Variants in NUP214 observed in about 807,000 individuals in gnomAD.
The protein encoded by NUP214 is nucleoporin 214.
In NUP214, 79 loss-of-function variants were observed where a neutral mutation model predicts 196.2. The observed-to-expected ratio is 0.40, with a 90% CI of 0.34 to 0.49. The LOEUF (loss-of-function observed/expected upper bound fraction) is 0.49. NUP214 is among the 20% of genes least tolerant of loss of function. The probability of loss-of-function intolerance (pLI) is 0.58; values close to 1 mark genes in which losing one functional copy is unlikely to be tolerated. For missense variants in NUP214, 2,468 were observed against 2,539.0 expected (o/e 0.97, Z 0.60); for synonymous variants, 1,020 against 990.5 (o/e 1.03, Z -0.56).
In NUP214 at chr9:131,178,731, G is replaced by A. The variant is rs555852245; in HGVS notation, c.3419+321G>A. On this transcript the variant is annotated intron_variant, in intron 24 of 35. Coordinates refer to ENST00000359428, the MANE Select transcript of NUP214 (RefSeq NM_005085.4). ...TTTTTTTTTTTTTTAATGCCCTAGG[G>A]GTTCCAGAGTTGATGCTTTGGGTCT... Among the ~76,000 whole-genome samples, 13 of 151,140 alleles carry A rather than the reference G, an allele frequency of 8.6e-5. No homozygotes were observed. The South Asian group carries it at 1.0e-3, about 12-fold the overall frequency.
At position 131,228,310 on chromosome 9, in the gene NUP214, C is replaced by T. The variant is rs1834779861; in HGVS notation, c.6053C>T (p.Ala2018Val). The change falls in exon 33 of 36, where the codon GCT becomes GTT. Residue 2018 changes from alanine (A) to valine (V), a missense_variant. By Grantham distance (64) the Ala-to-Val change is moderately conservative. Transcript: ENST00000359428. Reference protein sequence around the residue: ...GGKVFGEGTAAASAGGFGFGS... With the variant: ...GGKVFGEGTAVASAGGFGFGS... Reference sequence around the variant, plus strand: ...AAAGTGTTCGGAGAGGGCACTGCAGCTGCCAGCGCAGGAGGATTCGGGTAA... The same window carrying T: ...AAAGTGTTCGGAGAGGGCACTGCAGTTGCCAGCGCAGGAGGATTCGGGTAA... 1 of 1,593,482 alleles carries T rather than the reference C, an allele frequency of 6.3e-7. No homozygotes were observed. Among genetic ancestry groups the T allele is most frequent in the African/African-American group, 1.4e-5 (1 of 73,476 alleles).
intron 17 of NUP214, among the ~76,000 whole-genome samples, chr9:131,158,501 T>A (rs973491898): frequency 2.6e-5 from 4 of 152,240 alleles, no homozygotes; most frequent in African/African-American, 9.6e-5. Context: ...TTTTAAATAA[T>A]GACAGATTCA....
Position 131,132,591 on chromosome 9 carries a change from T to C in NUP214, c.664-5T>C, listed in dbSNP as rs766416506. ...ACTTTATTTTCCCCTCCAAATCTCT[T>C]TCAGACTTTGCAGGAAAAAAAAGTC... On this transcript the variant is annotated splice_polypyrimidine_tract_variant and splice_region_variant and intron_variant, in intron 5 of 35. Transcript: ENST00000359428. 6.2e-7 allele frequency: 1 copy of C among 1,612,856 alleles called. No homozygotes were observed. Among genetic ancestry groups the C allele is most frequent in the Non-Finnish European group, 8.5e-7 (1 of 1,179,020 alleles).
Position 131,197,942 on chromosome 9 carries a change from C to A in NUP214, c.4448C>A (p.Pro1483His). 6.2e-7 allele frequency: 1 copy of A among 1,614,200 alleles called. No individual in the cohort carries two copies. The highest frequency in any genetic ancestry group is 8.5e-7 in the Non-Finnish European group (1 of 1,180,028). The change falls in exon 29 of 36, where the codon CCC becomes CAC. Residue 1483 changes from proline to histidine, a missense_variant. By Grantham distance (77) the Pro-to-His change is moderately conservative (BLOSUM62 -2). Around this residue, in one of 5 missense-constraint regions of NUP214, gnomAD observed 1,801 missense variants for 1,779.4 expected, o/e 1.01. Coordinates refer to ENST00000359428, the MANE Select transcript of NUP214 (RefSeq NM_005085.4). ...FGSLLSSATT[P>H]SLPMSAGRST... The stretch of plus-strand genomic sequence containing the variant: ...AGCCTCCTGAGTTCAGCAACTACCC[C>A]CTCCCTGCCTATGTCCGCTGGCAGA...
intron 32 of NUP214, 140 bp from the exon 33 acceptor site, chr9:131,228,020 T>G: frequency 1.3e-6 from 1 of 771,942 alleles, no homozygotes; most frequent in Non-Finnish European, 1.9e-6. Flanking sequence ...TTACTCTAGT[T>G]CTTGCATTTG....
At chr9:131,215,165 C>G (rs761449830) in intron 30 of NUP214, 47 bp from the exon 31 acceptor site, 2 of 1,421,682 alleles carry the variant, frequency 1.4e-6, no homozygotes, top group Non-Finnish European at 1.9e-6. Flanking sequence ...TGCCATTTCA[C>G]GATGACCTCT....
chr9:131,222,548 T>C, intron 31 of NUP214: 1 of 414,128 alleles, frequency 2.4e-6, no homozygotes, highest in Non-Finnish European at 4.3e-6. Flanking sequence ...TATAAAATCA[T>C]GCCAGGAAAT....
chr9:131,197,938 A>G lies in NUP214; in HGVS notation c.4444A>G (p.Thr1482Ala), dbSNP rs1428885270. The part of the protein sequence containing the change: ...SFGSLLSSAT[T>A]PSLPMSAGRS... ...TGGTAGCCTCCTGAGTTCAGCAACT[A>G]CCCCCTCCCTGCCTATGTCCGCTGG... The change falls in exon 29 of 36, where the codon ACC (threonine) becomes GCC (alanine). Residue 1482 changes from threonine (T) to alanine (A), a missense_variant. This residue lies in a region of NUP214 where 1,801 missense variants were observed against 1,779.4 expected (regional missense o/e 1.01). Transcript: ENST00000359428. 3 of 1,613,664 alleles carry G rather than the reference A, an allele frequency of 1.9e-6. No individual in the cohort carries two copies. Among genetic ancestry groups the G allele is most frequent in the East Asian group, 2.2e-5 (1 of 44,852 alleles).
At chr9:131,205,181 A>G (rs1268989704) in intron 30 of NUP214, among the ~76,000 whole-genome samples, 4 of 152,246 alleles carry the variant, frequency 2.6e-5, no homozygotes, top group African/African-American at 9.6e-5. Context: ...GACCTCACTA[A>G]AATTATGGCC....
chr9:131,181,132 T>C (rs1470679061), intron 24 of NUP214, among the ~76,000 whole-genome samples: 1 of 152,120 alleles, frequency 6.6e-6, no homozygotes. Flanking sequence ...CTCAGGAAGG[T>C]GACCTTTGAA....
rs150948950 is a variant in NUP214, at chr9:131,197,596, G to A, written c.4102G>A (p.Val1368Met). 1.0e-4 allele frequency: 167 copies of A among 1,613,994 alleles called. No homozygotes were observed. The African/African-American group carries it at 1.5e-3, about 14-fold the overall frequency. Residue 1368 changes from valine to methionine, a missense_variant, in exon 29 of 36, where the codon GTG (valine) becomes ATG (methionine). By Grantham distance (21) the Val-to-Met change is conservative. Around this residue, in one of 5 missense-constraint regions of NUP214, gnomAD observed 1,801 missense variants for 1,779.4 expected, o/e 1.01. Coordinates refer to ENST00000359428, the MANE Select transcript of NUP214 (RefSeq NM_005085.4). ...TSTQPTKTSG[V>M]PSGFNFTAPP... is the part of the protein sequence containing the mutation. ...TACCCAGCCAACCAAGACGTCAGGC[G>A]TGCCCTCAGGGTTTAATTTTACTGC... is the stretch of plus-strand genomic sequence containing the variant.
At chr9:131,201,427 A>G (rs1167432337) in intron 29 of NUP214, among the ~76,000 whole-genome samples, 1 of 151,762 alleles carries the variant, frequency 6.6e-6, no homozygotes, top group East Asian at 1.9e-4. Flanking sequence ...TTAGCTGGGC[A>G]TGGTGGCACA....
intron 28 of NUP214, among the ~76,000 whole-genome samples, chr9:131,196,920 T>C (rs1196120143): frequency 2.6e-5 from 4 of 152,230 alleles, no homozygotes; most frequent in African/African-American, 9.6e-5. Flanking sequence ...AAGAGGCTTT[T>C]TTATTTCTCT....
chr9:131,230,286 G>A (rs893484347), intron 33 of NUP214: 6 of 230,976 alleles, frequency 2.6e-5, no homozygotes, highest in South Asian at 1.4e-4. Flanking sequence ...AGTGAGAAAT[G>A]CTAAAATGAT....
At chr9:131,134,329 G>T (rs555155090) in intron 7 of NUP214, among the ~76,000 whole-genome samples, 1 of 152,156 alleles carries the variant, frequency 6.6e-6, no homozygotes, top group East Asian at 1.9e-4. Flanking sequence ...GCCGTGTTAG[G>T]GATAGATGAT....
chr9:131,215,237 T>A lies in NUP214; in HGVS notation c.5618T>A (p.Val1873Glu). 6.3e-7 allele frequency: 1 copy of A among 1,580,042 alleles called. No homozygotes were observed. Among genetic ancestry groups the A allele is most frequent in the Non-Finnish European group, 8.6e-7 (1 of 1,164,698 alleles). ...CAATCATCCTCTTCCAGTGGTAGCGTGTTTGGGTCTGGAAACACTGGAAGA... is the reference window on the plus strand; with the variant it reads ...CAATCATCCTCTTCCAGTGGTAGCGAGTTTGGGTCTGGAAACACTGGAAGA... ...GQQSSSSSGS[V>E]FGSGNTGRGG... Residue 1873 changes from valine (V) to glutamate (E), a missense_variant, in exon 31 of 36, where the codon GTG (valine) becomes GAG (glutamate). By Grantham distance (121) the Val-to-Glu change is moderately radical. This residue lies in a region of NUP214 where 262 missense variants were observed against 296.5 expected (regional missense o/e 0.88). Coordinates refer to ENST00000359428, the MANE Select transcript of NUP214 (RefSeq NM_005085.4).
intron 31 of NUP214, among the ~76,000 whole-genome samples, chr9:131,216,299 A>G (rs937273851): frequency 3.8e-4 from 55 of 145,452 alleles, no homozygotes; most frequent in Non-Finnish European, 4.5e-4. Context: ...ATCTTGGCTC[A>G]CTGCAAGCTC....
intron 11 of NUP214, among the ~76,000 whole-genome samples, chr9:131,143,697 G>C (rs1383616934): frequency 6.6e-6 from 1 of 152,036 alleles, no homozygotes; most frequent in Admixed American, 6.6e-5. Context: ...TTAAAAAATA[G>C]AAAACATCTT....
intron 9 of NUP214, 52 bp from the exon 10 acceptor site, chr9:131,139,229 G>GCTTTTT (rs1554729035): frequency 1.4e-6 from 2 of 1,433,780 alleles, no homozygotes; most frequent in Non-Finnish European, 1.8e-6. Flanking sequence ...AACCAACATG[G>GCTTTTT]CTTTTTCTTT....
Sources: gnomAD v4.1 joint callset for allele counts (sites outside exome capture counted in the v4.1 genomes callset) on GRCh38, gnomAD v4.1.1 for gene constraint, gnomAD v4.1.1 regional missense constraint, MANE v1.5 for transcripts, NCBI Gene and HGNC (gene_info 2026-07-23, HGNC 2026-07-21) for gene names.